EXOC6B: variants seen among roughly 807,000 people sequenced by gnomAD.
EXOC6B encodes exocyst complex component 6B, also known as SEC15 homolog B.
In EXOC6B, 54 loss-of-function variants were observed where a neutral mutation model predicts 113.5. The observed-to-expected ratio is 0.48, with a 90% CI of 0.38 to 0.60. The LOEUF (loss-of-function observed/expected upper bound fraction) is 0.60. Among genes scored for constraint, EXOC6B ranks in the 20% least tolerant of loss-of-function variants. The pLI, the probability that EXOC6B is intolerant of heterozygous loss-of-function variation, is 0.00. For missense variants in EXOC6B, 797 were observed against 977.5 expected, an observed-to-expected ratio of 0.82 and a Z score of 2.46; for synonymous variants, 357 against 339.0, an observed-to-expected ratio of 1.05 and a Z score of -0.58.
At chr2:72,194,872 C>T (rs568185472) in intron 20 of EXOC6B, among the ~76,000 whole-genome samples, 1 of 152,192 alleles carries the variant, frequency 6.6e-6, no homozygotes, top group Non-Finnish European at 1.5e-5. Context: ...CAGGTTGGTT[C>T]CTGGCCCTAC....
At chr2:72,192,572 A>C (rs1164233701) in intron 20 of EXOC6B, among the ~76,000 whole-genome samples, 1 of 152,120 alleles carries the variant, frequency 6.6e-6, no homozygotes, top group Non-Finnish European at 1.5e-5. Context: ...CATGGGGCCT[A>C]CCTCATGTTA....
At chr2:72,561,619 C>A (rs1385332163) in intron 7 of EXOC6B, among the ~76,000 whole-genome samples, 1 of 152,016 alleles carries the variant, frequency 6.6e-6, no homozygotes, top group Non-Finnish European at 1.5e-5. Flanking sequence ...GGGAGAATTT[C>A]CCTAGAAATC....
intron 6 of EXOC6B, among the ~76,000 whole-genome samples, chr2:72,699,131 G>T: frequency 6.6e-6 from 1 of 152,282 alleles, no homozygotes; most frequent in East Asian, 1.9e-4. Flanking sequence ...TATTGCTACA[G>T]ATAGCTCCCT....
chr2:72,488,623 A>G (rs952719654), intron 16 of EXOC6B, among the ~76,000 whole-genome samples: 5 of 152,178 alleles, frequency 3.3e-5, no homozygotes, highest in African/African-American at 1.2e-4. Flanking sequence ...AAGTCAAAAA[A>G]TCCTGGAGTT....
At chr2:72,554,328 G>A (rs1703411653) in intron 8 of EXOC6B, among the ~76,000 whole-genome samples, 1 of 152,122 alleles carries the variant, frequency 6.6e-6, no homozygotes, top group Admixed American at 6.5e-5. Flanking sequence ...AAAAAGTGGG[G>A]GATCAAGATC....
At chr2:72,218,349 C>A (rs959155104) in intron 20 of EXOC6B, among the ~76,000 whole-genome samples, 1 of 152,114 alleles carries the variant, frequency 6.6e-6, no homozygotes, top group Non-Finnish European at 1.5e-5. Context: ...TTCATGAATT[C>A]TTTGATCCTG....
chr2:72,583,486 C>A (rs577597571), intron 6 of EXOC6B, among the ~76,000 whole-genome samples: 1 of 152,020 alleles, frequency 6.6e-6, no homozygotes, highest in Non-Finnish European at 1.5e-5. Context: ...AAAAGGATAC[C>A]CATGGGGCTA....
chr2:72,445,034 T>C (rs1046536232), intron 18 of EXOC6B, among the ~76,000 whole-genome samples: 1 of 152,232 alleles, frequency 6.6e-6, no homozygotes, highest in Non-Finnish European at 1.5e-5. Flanking sequence ...TCATGCTCTG[T>C]ATCCCTTTTA....
chr2:72,327,834 C>T (rs1688213752), intron 20 of EXOC6B, among the ~76,000 whole-genome samples: 1 of 152,130 alleles, frequency 6.6e-6, no homozygotes, highest in African/African-American at 2.4e-5. Flanking sequence ...TTACATATTA[C>T]TGGCAATTCC....
intron 17 of EXOC6B, among the ~76,000 whole-genome samples, chr2:72,476,838 T>A (rs1277194874): frequency 6.6e-6 from 1 of 152,236 alleles, no homozygotes; most frequent in African/African-American, 2.4e-5. Flanking sequence ...CCTAATTCTA[T>A]GCTGAATACT....
chr2:72,272,681 A>G (rs1684568736), intron 20 of EXOC6B, among the ~76,000 whole-genome samples: 1 of 152,150 alleles, frequency 6.6e-6, no homozygotes, highest in South Asian at 2.1e-4. Flanking sequence ...AAAGAACACA[A>G]GATTAAATTT....
In EXOC6B at chr2:72,480,003, GA is replaced by G. The variant is rs547018309; in HGVS notation, c.1800+612del. On this transcript the variant is annotated intron_variant, in intron 17 of 21. Transcript: ENST00000272427. ...GGATCGCTTGAACCCAGGAATTCGAGACCAGCCTGGGCAACATGGCGAAACC... is the reference window on the plus strand; with the variant it reads ...GGATCGCTTGAACCCAGGAATTCGAGCCAGCCTGGGCAACATGGCGAAACC... 3.3e-3 allele frequency among the ~76,000 whole-genome samples: 496 copies of G among 152,154 alleles called. 4 individuals are homozygous for G. Among genetic ancestry groups the G allele is most frequent in the Non-Finnish European group, 5.9e-3 (404 of 68,000 alleles).
chr2:72,691,681 A>ATT (rs1164324005), intron 6 of EXOC6B, among the ~76,000 whole-genome samples: 41 of 137,772 alleles, frequency 3.0e-4, no homozygotes, highest in African/African-American at 9.4e-4. Context: ...TTGTATATCT[A>ATT]TTTTTTTTTT....
At chr2:72,331,116 C>A (rs1572924328) in intron 20 of EXOC6B, among the ~76,000 whole-genome samples, 1 of 152,178 alleles carries the variant, frequency 6.6e-6, no homozygotes, top group East Asian at 1.9e-4. Context: ...AGTCACCGAA[C>A]TAACTGAAAC....
intron 16 of EXOC6B, among the ~76,000 whole-genome samples, chr2:72,491,164 A>G (rs1699721708): frequency 1.3e-5 from 2 of 152,216 alleles, no homozygotes; most frequent in Non-Finnish European, 2.9e-5. Flanking sequence ...ATATTTCTGT[A>G]CTAGGCAATA....
chr2:72,583,472 A>G (rs994984988), intron 6 of EXOC6B, among the ~76,000 whole-genome samples: 1 of 152,220 alleles, frequency 6.6e-6, no homozygotes, highest in African/African-American at 2.4e-5. Context: ...GTCAAATCAC[A>G]TACAAAAGGA....
intron 17 of EXOC6B, among the ~76,000 whole-genome samples, chr2:72,472,381 C>T (rs1024459459): frequency 1.3e-5 from 2 of 152,150 alleles, no homozygotes; most frequent in East Asian, 3.9e-4. Context: ...GCTTCAATCA[C>T]TGCCCGTTAT....
At chr2:72,361,717 G>A (rs1429795836) in intron 19 of EXOC6B, among the ~76,000 whole-genome samples, 1 of 152,132 alleles carries the variant, frequency 6.6e-6, no homozygotes, top group Non-Finnish European at 1.5e-5. Context: ...GCCTATTAAG[G>A]ACTGCCTAGT....
At chr2:72,671,745 G>A (rs569824772) in intron 6 of EXOC6B, among the ~76,000 whole-genome samples, 46 of 104,946 alleles carry the variant, frequency 4.4e-4, no homozygotes, top group Middle Eastern at 9.7e-3. Flanking sequence ...GAGAGAGAGA[G>A]ACAGAGAAAG....
Sources: gnomAD v4.1 joint callset for allele counts (sites outside exome capture counted in the v4.1 genomes callset) on GRCh38, gnomAD v4.1.1 for gene constraint, MANE v1.5 for transcripts, NCBI Gene and HGNC (gene_info 2026-07-23, HGNC 2026-07-21) for gene names.